Variants in FGF12 observed in about 807,000 individuals in gnomAD.
FGF12 encodes fibroblast growth factor 12.
Under a neutral mutation model 23.6 loss-of-function variants are expected in FGF12, and 14 were observed. The observed-to-expected ratio is 0.59, with a 90% CI of 0.39 to 0.93. The LOEUF (loss-of-function observed/expected upper bound fraction) is 0.93, where lower values mean the gene tolerates loss of function less well. Among genes scored for constraint, FGF12 ranks in the 40% least tolerant of loss-of-function variants. The pLI is 0.00. For synonymous variants in FGF12, 62 were observed against 77.3 expected (o/e 0.80, Z 1.04); for missense variants, 175 against 217.8 (o/e 0.80, Z 1.24).
chr3:192,564,696 A>C (rs1238861058), intron 2 of FGF12, among the ~76,000 whole-genome samples: 1 of 152,208 alleles, frequency 6.6e-6, no homozygotes, highest in Non-Finnish European at 1.5e-5. Flanking sequence ...AATGGGCTAT[A>C]GCAAGTTGAT....
At chr3:192,615,665 A>G (rs1714728465) in intron 2 of FGF12, among the ~76,000 whole-genome samples, 1 of 152,134 alleles carries the variant, frequency 6.6e-6, no homozygotes, top group African/African-American at 2.4e-5. Context: ...AAATATATAT[A>G]CAAGAATATG....
chr3:192,530,889 A>T (rs180821561), intron 2 of FGF12, among the ~76,000 whole-genome samples: 1 of 152,246 alleles, frequency 6.6e-6, no homozygotes, highest in African/African-American at 2.4e-5. Flanking sequence ...ATCTCAGCTC[A>T]CTGCAACCTT....
intron 2 of FGF12, among the ~76,000 whole-genome samples, chr3:192,648,731 G>A (rs1340863657): frequency 6.6e-6 from 1 of 152,078 alleles, no homozygotes; most frequent in Non-Finnish European, 1.5e-5. Context: ...GCATTAGAAG[G>A]GAGCAACAGA....
chr3:192,506,628 TC>T (rs2108836679), intron 2 of FGF12, among the ~76,000 whole-genome samples: 1 of 152,278 alleles, frequency 6.6e-6, no homozygotes, highest in African/African-American at 2.4e-5. Flanking sequence ...CACCTCAGTC[TC>T]CCAAAGTCCT....
rs1476011295 is a variant in FGF12 at position 192,409,585 on chromosome 3, C to A, written c.14-49047G>T. Among the ~76,000 whole-genome samples, 1 of 152,118 alleles carries A rather than the reference C, an allele frequency of 6.6e-6. No individual in the cohort carries two copies. The highest frequency in any genetic ancestry group is 2.0e-4 in the East Asian group (1 of 5,114). On this transcript the variant is annotated intron_variant, in intron 2 of 5. Transcript: ENST00000445105. The surrounding 1 kb of genome is among the most constrained non-coding windows in gnomAD (Gnocchi z 4.8). Reference sequence around the variant, plus strand: ...TCAGTCCCGCGCCGCCCATCCCGGCCGAGGAAGGAAGTGACCCGCGCGCTG... The same window carrying A: ...TCAGTCCCGCGCCGCCCATCCCGGCAGAGGAAGGAAGTGACCCGCGCGCTG...
chr3:192,612,873 A>C (rs569361150), intron 2 of FGF12, among the ~76,000 whole-genome samples: 4 of 151,924 alleles, frequency 2.6e-5, no homozygotes, highest in Non-Finnish European at 5.9e-5. Context: ...TCCTTGCCCA[A>C]ATTTTTCTTT....
intron 2 of FGF12, among the ~76,000 whole-genome samples, chr3:192,675,930 G>C (rs1419241263): frequency 2.6e-5 from 4 of 152,082 alleles, no homozygotes; most frequent in Admixed American, 1.3e-4. Flanking sequence ...TCCCCTAATA[G>C]GGTCTTAAAC....
intron 2 of FGF12, among the ~76,000 whole-genome samples, chr3:192,696,437 C>A (rs183618505): frequency 6.6e-6 from 1 of 152,148 alleles, no homozygotes; most frequent in African/African-American, 2.4e-5. Context: ...GGGAGGAGCC[C>A]AGAACAGCTG....
At chr3:192,425,214 G>A (rs745600402) in intron 2 of FGF12, among the ~76,000 whole-genome samples, 47 of 152,124 alleles carry the variant, frequency 3.1e-4, no homozygotes, top group Non-Finnish European at 4.7e-4. Flanking sequence ...TCCTTAGAAC[G>A]TACTGTCTAG....
At chr3:192,462,211 G>A (rs1015320989) in intron 2 of FGF12, among the ~76,000 whole-genome samples, 2 of 152,044 alleles carry the variant, frequency 1.3e-5, no homozygotes, top group African/African-American at 2.4e-5. Context: ...TCTTCTGGAC[G>A]GAGATTATTA....
intron 4 of FGF12, among the ~76,000 whole-genome samples, chr3:192,278,458 C>G (rs1713934888): frequency 6.6e-6 from 1 of 152,120 alleles, no homozygotes; most frequent in Non-Finnish European, 1.5e-5. Context: ...ATAGTCCCAC[C>G]TAGGAACGTA....
intron 4 of FGF12, among the ~76,000 whole-genome samples, chr3:192,331,481 G>A (rs191464496): frequency 4.6e-5 from 7 of 152,074 alleles, no homozygotes; most frequent in African/African-American, 1.4e-4. Flanking sequence ...TGCAGAATGC[G>A]TATAACATAC....
chr3:192,208,385 T>G (rs1717758168), intron 4 of FGF12, among the ~76,000 whole-genome samples: 1 of 152,196 alleles, frequency 6.6e-6, no homozygotes, highest in Non-Finnish European at 1.5e-5. Context: ...TACAGCTGTT[T>G]AGCCACTGAA....
intron 3 of FGF12, among the ~76,000 whole-genome samples, chr3:192,356,165 C>T (rs1488994517): frequency 6.6e-6 from 1 of 152,060 alleles, no homozygotes; most frequent in Non-Finnish European, 1.5e-5. Flanking sequence ...AAACCATGCC[C>T]CTCCCACCAC....
intron 2 of FGF12, among the ~76,000 whole-genome samples, chr3:192,454,311 T>C (rs997443495): frequency 3.3e-5 from 5 of 152,172 alleles, no homozygotes; most frequent in Non-Finnish European, 5.9e-5. Context: ...GTGCTGGGAT[T>C]TCAGGCATGA....
intron 2 of FGF12, among the ~76,000 whole-genome samples, chr3:192,650,817 A>T (rs1716188695): frequency 6.6e-6 from 1 of 152,212 alleles, no homozygotes; most frequent in Non-Finnish European, 1.5e-5. Flanking sequence ...CCAATAGGAA[A>T]ATTATGACTT....
In FGF12 at chr3:192,263,553, A is replaced by AT. The variant is rs11440361; in HGVS notation, c.228+71807_228+71808insA. Among the ~76,000 whole-genome samples, 954 of 152,068 alleles carry AT rather than the reference A, an allele frequency of 6.3e-3. 11 individuals carry two copies. The highest frequency in any genetic ancestry group is 0.022 in the African/African-American group (929 of 41,522). On this transcript the variant is annotated intron_variant, in intron 4 of 5. Coordinates refer to ENST00000445105, the MANE Select transcript of FGF12 (RefSeq NM_004113.6). ...AAAAAAATAAAAAAAAAGAGGGAAA[A>AT]AAAAAAAACTATTCCTGAGCCACAC...
intron 2 of FGF12, among the ~76,000 whole-genome samples, chr3:192,361,365 A>G (rs1468697107): frequency 1.3e-5 from 2 of 152,128 alleles, no homozygotes; most frequent in Non-Finnish European, 2.9e-5. Context: ...GCCAGCAACA[A>G]TCTAGTTTCC....
intron 2 of FGF12, among the ~76,000 whole-genome samples, chr3:192,693,224 A>G (rs1464769885): frequency 6.6e-6 from 1 of 152,172 alleles, no homozygotes; most frequent in Non-Finnish European, 1.5e-5. Context: ...AAATAAATTC[A>G]ACCAAAGAGG....
Sources: gnomAD v4.1 joint callset for allele counts (sites outside exome capture counted in the v4.1 genomes callset) on GRCh38, gnomAD v4.1.1 for gene constraint, Gnocchi (gnomAD v3.1) non-coding constraint, MANE v1.5 for transcripts, NCBI Gene and HGNC (gene_info 2026-07-23, HGNC 2026-07-21) for gene names.